The following NEGR1 variants were observed in gnomAD, a reference collection of about 807,000 sequenced individuals.
NEGR1 encodes the protein neuronal growth regulator 1.
Under a neutral mutation model 40.9 loss-of-function variants are expected in NEGR1, and 10 were observed. That is an observed-to-expected ratio of 0.24 (90% CI 0.15 to 0.42). The LOEUF is 0.42. Ranked by LOEUF, NEGR1 falls within the 10% of genes least tolerant of loss-of-function variation. NEGR1 has a pLI of 1.00. For missense variants in NEGR1, 352 were observed against 438.9 expected (o/e 0.80, Z 1.77); for synonymous variants, 185 against 166.8 (o/e 1.11, Z -0.84).
At chr1:72,059,607 GAAATAGTA>G (rs1647147725) in intron 1 of NEGR1, among the ~76,000 whole-genome samples, 1 of 151,496 alleles carries the variant, frequency 6.6e-6, no homozygotes, top group Admixed American at 6.6e-5. Flanking sequence ...AACAAGTTTT[GAAATAGTA>G]AAGAGATTTT....
chr1:72,276,716 A>C (rs1443408217), intron 1 of NEGR1, among the ~76,000 whole-genome samples: 1 of 152,146 alleles, frequency 6.6e-6, no homozygotes, highest in African/African-American at 2.4e-5. Context: ...AGCAACACTT[A>C]TGGTGCCACT....
intron 2 of NEGR1, among the ~76,000 whole-genome samples, chr1:71,928,065 C>T (rs1386826485): frequency 2.6e-5 from 1 of 38,422 alleles, no homozygotes; most frequent in Non-Finnish European, 5.4e-5. Context: ...TATATACACA[C>T]ACACATATGT....
intron 1 of NEGR1, among the ~76,000 whole-genome samples, chr1:71,989,504 G>A (rs1646431398): frequency 6.6e-6 from 1 of 152,056 alleles, no homozygotes; most frequent in South Asian, 2.1e-4. Flanking sequence ...GAACAAATGA[G>A]TAATGGCATT....
chr1:71,637,749 A>T (rs1173986126), intron 4 of NEGR1, among the ~76,000 whole-genome samples: 1 of 151,992 alleles, frequency 6.6e-6, no homozygotes, highest in African/African-American at 2.4e-5. Flanking sequence ...GTGAAGACAC[A>T]GAGGGAGACA....
chr1:71,775,598 G>A (rs1045272030), intron 3 of NEGR1, among the ~76,000 whole-genome samples: 1 of 151,970 alleles, frequency 6.6e-6, no homozygotes, highest in African/African-American at 2.4e-5. Context: ...TGCCTGCCTC[G>A]ACCTCCCAAA....
At chr1:71,939,207 T>C (rs942313393) in intron 1 of NEGR1, among the ~76,000 whole-genome samples, 3 of 152,168 alleles carry the variant, frequency 2.0e-5, no homozygotes, top group African/African-American at 7.2e-5. Context: ...ACTTGTTCCC[T>C]ATCTTCCTTA....
rs1461470330 is a variant in NEGR1, at chr1:71,898,964, CATATATATATATATAGCATAT to C, written c.409+36094_409+36114del. ...ATATATTGCAAATATATATATATAG[CATATATATATATATAGCATAT>C]ATATATATATATATATATATATATA... On this transcript the variant is annotated intron_variant, in intron 2 of 6. Transcript: ENST00000357731. Among the ~76,000 whole-genome samples the C allele has an allele frequency of 3.7e-3, 357 of 95,936 alleles. 9 individuals carry two copies. The highest frequency in any genetic ancestry group is 0.017 in the African/African-American group (337 of 19,298). 62.9% of individuals were successfully genotyped at this position (95,936 alleles called of 152,430 possible).
At chr1:71,935,584 C>CAAA (rs1156883352) in intron 1 of NEGR1, among the ~76,000 whole-genome samples, 1 of 151,616 alleles carries the variant, frequency 6.6e-6, no homozygotes, top group East Asian at 1.9e-4. Flanking sequence ...GAAAGTTAGT[C>CAAA]AAAAGCCTTT....
chr1:72,231,254 C>A (rs758830559), intron 1 of NEGR1, among the ~76,000 whole-genome samples: 1 of 152,108 alleles, frequency 6.6e-6, no homozygotes, highest in Non-Finnish European at 1.5e-5. Flanking sequence ...CTCCATTTGT[C>A]TTTTTTCATT....
chr1:72,169,156 T>A (rs1428790319), intron 1 of NEGR1, among the ~76,000 whole-genome samples: 1 of 152,026 alleles, frequency 6.6e-6, no homozygotes, highest in African/African-American at 2.4e-5. Context: ...ATTCAAGGAG[T>A]CAGATATCCA....
chr1:71,761,440 T>C (rs1419016886), intron 3 of NEGR1, among the ~76,000 whole-genome samples: 1 of 152,204 alleles, frequency 6.6e-6, no homozygotes, highest in African/African-American at 2.4e-5. Flanking sequence ...GAAGTAAATC[T>C]CATGGAACAG....
At chr1:72,040,956 T>C (rs1229795650) in intron 1 of NEGR1, among the ~76,000 whole-genome samples, 2 of 151,980 alleles carry the variant, frequency 1.3e-5, no homozygotes, top group African/African-American at 4.8e-5. Context: ...TCTCCAGACA[T>C]CAACCTAATA....
intron 3 of NEGR1, 37 bp downstream of exon 3, chr1:71,776,135 G>A: frequency 6.6e-7 from 1 of 1,512,708 alleles, no homozygotes; most frequent in Non-Finnish European, 8.9e-7. Flanking sequence ...GGAGAAAAAT[G>A]AACAGCACAA....
At chr1:72,101,808 C>T (rs1648957929) in intron 1 of NEGR1, among the ~76,000 whole-genome samples, 3 of 152,110 alleles carry the variant, frequency 2.0e-5, no homozygotes, top group Admixed American at 1.3e-4. Context: ...CCTCCTAATA[C>T]AGAGATCCAT....
intron 1 of NEGR1, among the ~76,000 whole-genome samples, chr1:72,203,603 A>G (rs1653291434): frequency 6.6e-6 from 1 of 152,150 alleles, no homozygotes; most frequent in Non-Finnish European, 1.5e-5. Flanking sequence ...TAGTTGATAC[A>G]ACAGTGGCAC....
intron 1 of NEGR1, among the ~76,000 whole-genome samples, chr1:71,989,718 A>G (rs1179661933): frequency 6.6e-6 from 1 of 152,216 alleles, no homozygotes; most frequent in Admixed American, 6.5e-5. Flanking sequence ...ATTGGTCAGT[A>G]TATTTCTAAC....
chr1:72,129,167 T>C (rs1042923757), intron 1 of NEGR1, among the ~76,000 whole-genome samples: 3 of 152,158 alleles, frequency 2.0e-5, no homozygotes, highest in African/African-American at 7.2e-5. Context: ...AAGGTATTTA[T>C]ATATATGCAC....
chr1:71,704,810 T>A (rs1297546802), intron 3 of NEGR1, among the ~76,000 whole-genome samples: 2 of 151,810 alleles, frequency 1.3e-5, no homozygotes, highest in African/African-American at 4.8e-5. Flanking sequence ...GGACAAAAAA[T>A]ATCAAAAGAA....
intron 1 of NEGR1, among the ~76,000 whole-genome samples, chr1:72,161,428 T>C (rs777391091): frequency 6.6e-6 from 1 of 151,894 alleles, no homozygotes; most frequent in African/African-American, 2.4e-5. Context: ...CAGGGGGCAT[T>C]TGTCTGGAGG....
Sources: gnomAD v4.1 joint callset for allele counts (sites outside exome capture counted in the v4.1 genomes callset) on GRCh38, gnomAD v4.1.1 for gene constraint, MANE v1.5 for transcripts, NCBI Gene and HGNC (gene_info 2026-07-23, HGNC 2026-07-21) for gene names.